The following WDFY3 variants were observed in gnomAD, a reference collection of about 807,000 sequenced individuals.
The protein encoded by WDFY3 is WD repeat and FYVE domain-containing protein 3.
Under a neutral mutation model 409.6 loss-of-function variants are expected in WDFY3, and 66 were observed. That is an observed-to-expected ratio of 0.16 (90% CI 0.13 to 0.20). WDFY3 has a LOEUF of 0.20. WDFY3 is among the 10% of genes least tolerant of loss of function. The pLI, the probability that WDFY3 is intolerant of heterozygous loss-of-function variation, is 1.00. For synonymous variants in WDFY3, 1,521 were observed against 1,537.1 expected (o/e 0.99, Z 0.25); for missense variants, 3,031 against 4,298.1 (o/e 0.71, Z 8.24).
chr4:84,677,882 G>A (rs1726587710), intron 66 of WDFY3, among the ~76,000 whole-genome samples: 1 of 144,976 alleles, frequency 6.9e-6, no homozygotes, highest in Non-Finnish European at 1.5e-5. Flanking sequence ...AGAACTGCTT[G>A]AGCCTGGGAG....
At chr4:84,759,119 T>A (rs950989306) in intron 32 of WDFY3, among the ~76,000 whole-genome samples, 3 of 152,194 alleles carry the variant, frequency 2.0e-5, no homozygotes, top group Admixed American at 6.5e-5. Flanking sequence ...GTTGTAGATA[T>A]GCGGCGTTAT....
intron 4 of WDFY3, among the ~76,000 whole-genome samples, chr4:84,850,599 G>A (rs1758776296): frequency 6.6e-6 from 1 of 152,266 alleles, no homozygotes; most frequent in African/African-American, 2.4e-5. Flanking sequence ...TTACAGGCGT[G>A]AGCCACCACA....
At chr4:84,786,858 T>C (rs1448418365) in intron 23 of WDFY3, among the ~76,000 whole-genome samples, 1 of 152,190 alleles carries the variant, frequency 6.6e-6, no homozygotes, top group African/African-American at 2.4e-5. Context: ...AGTGAAAAGA[T>C]AAATTACTAA....
chr4:84,697,283 G>A (rs568733674), intron 56 of WDFY3, among the ~76,000 whole-genome samples: 1 of 152,296 alleles, frequency 6.6e-6, no homozygotes, highest in East Asian at 1.9e-4. Flanking sequence ...GTAGATATCT[G>A]TAATACAAGA....
At chr4:84,778,720 A>AAC (rs1172217516) in intron 26 of WDFY3, 65 bp from the exon 27 acceptor site, 3 of 1,498,230 alleles carry the variant, frequency 2.0e-6, no homozygotes, top group Middle Eastern at 3.6e-4. Flanking sequence ...CACACACACA[A>AAC]ACACACACAT....
chr4:84,729,536 T>G (rs1000958014), intron 44 of WDFY3, among the ~76,000 whole-genome samples: 19 of 151,992 alleles, frequency 1.3e-4, no homozygotes, highest in African/African-American at 4.3e-4. Flanking sequence ...TGATAAACTA[T>G]TAACGCTTTA....
intron 35 of WDFY3, among the ~76,000 whole-genome samples, chr4:84,752,204 A>C (rs1740647908): frequency 6.6e-6 from 1 of 152,100 alleles, no homozygotes; most frequent in African/African-American, 2.4e-5. Flanking sequence ...ACAGAGCGAG[A>C]CTAGCAAACA....
Position 84,751,527 on chromosome 4 carries a change from T to G in WDFY3, c.5929A>C (p.Thr1977Pro). 1 of 1,614,142 alleles carries G rather than the reference T, an allele frequency of 6.2e-7. No individual in the cohort carries two copies. Among genetic ancestry groups the G allele is most frequent in the Non-Finnish European group, 8.5e-7 (1 of 1,180,014 alleles). The change falls in exon 36 of 68, where the codon ACT becomes CCT. Residue 1977 changes from threonine to proline, a missense_variant. Physicochemically the swap from Thr to Pro is conservative, Grantham distance 38. This residue lies in a region of WDFY3 where 314 missense variants were observed against 397.4 expected (regional missense o/e 0.79). Transcript: ENST00000295888. Reference protein sequence around the residue: ...RVLIIDNLCLTPASKQTPLID... With the variant: ...RVLIIDNLCLPPASKQTPLID... ...AGTGGAGTTTGCTTGCTGGCAGGAG[T>G]GAGACAGAGGTTGTCTATGATTAAG... is the stretch of plus-strand genomic sequence containing the variant.
chr4:84,950,033 TGTG>T (rs2151106687), intron 1 of WDFY3, among the ~76,000 whole-genome samples: 1 of 152,086 alleles, frequency 6.6e-6, no homozygotes, highest in Non-Finnish European at 1.5e-5. Context: ...ATAAAGAAAA[TGTG>T]GCACATATAC....
intron 27 of WDFY3, 63 bp from the exon 28 acceptor site, chr4:84,775,201 C>T (rs1464808962): frequency 1.5e-6 from 2 of 1,364,890 alleles, no homozygotes; most frequent in African/African-American, 2.9e-5. Context: ...GCCAAACCAA[C>T]AAACACCAAT....
At chr4:84,886,039 A>G (rs1764174694) in intron 3 of WDFY3, among the ~76,000 whole-genome samples, 1 of 152,214 alleles carries the variant, frequency 6.6e-6, no homozygotes, top group African/African-American at 2.4e-5. Context: ...TTAGAAACAT[A>G]GTGATGGGTA....
chr4:84,883,084 C>T (rs560686561), intron 3 of WDFY3, among the ~76,000 whole-genome samples: 1 of 152,208 alleles, frequency 6.6e-6, no homozygotes, highest in African/African-American at 2.4e-5. Flanking sequence ...TGGGGGAATA[C>T]ATTCTCACTA....
chr4:84,944,805 A>AAAAT (rs1258042156), intron 1 of WDFY3, among the ~76,000 whole-genome samples: 3 of 152,230 alleles, frequency 2.0e-5, no homozygotes, highest in East Asian at 3.9e-4. Context: ...AAAATAAATA[A>AAAAT]AAATAAATAA....
chr4:84,965,402 C>A (rs1775506381), intron 1 of WDFY3, among the ~76,000 whole-genome samples: 1 of 152,218 alleles, frequency 6.6e-6, no homozygotes, highest in South Asian at 2.1e-4. Context: ...CAAGGGTTCA[C>A]ATATGCAGTA....
At chr4:84,691,599 T>C (rs775182633) in intron 60 of WDFY3, 32 bp downstream of exon 60, 1 of 1,608,336 alleles carries the variant, frequency 6.2e-7, no homozygotes, top group Non-Finnish European at 8.5e-7. Flanking sequence ...AAAAGAGCAA[T>C]ATTAAATGAG....
rs1468780828 is a variant in WDFY3, at chr4:84,964,652, C to A, written c.-226+1557G>T. ...TAGAACATTGTATTTTCTAACTTAT[C>A]CCTCCTTTTTGGAGGTGATACAAAT... On this transcript the variant is annotated intron_variant, in intron 1 of 67. Coordinates refer to ENST00000295888, the MANE Select transcript of WDFY3 (RefSeq NM_014991.6). Among the ~76,000 whole-genome samples the A allele has an allele frequency of 4.6e-5, 7 of 152,254 alleles. No individual in the cohort carries two copies. The East Asian group carries it at 1.4e-3, about 29-fold the overall frequency.
chr4:84,881,299 GAAT>G (rs1763502557), intron 3 of WDFY3, among the ~76,000 whole-genome samples: 3 of 151,834 alleles, frequency 2.0e-5, no homozygotes, highest in Admixed American at 1.3e-4. Flanking sequence ...ATCTCCCTGT[GAAT>G]TATTTTCTTA....
chr4:84,677,421 T>G lies in WDFY3; in HGVS notation c.10260-25A>C, dbSNP rs777232364. The G allele has an allele frequency of 1.7e-5, 26 of 1,563,472 alleles. 1 individual carries two copies. The South Asian group carries it at 3.1e-4, about 19-fold the overall frequency. Reference sequence around the variant, plus strand: ...CCTGCAGGAGACACGACAGAGGAGGTCACTGCACGGAAGGCTTCTGTGATC... The same window carrying G: ...CCTGCAGGAGACACGACAGAGGAGGGCACTGCACGGAAGGCTTCTGTGATC... On this transcript the variant is annotated intron_variant, in intron 66 of 67. Transcript: ENST00000295888.
At chr4:84,847,682 G>A (rs190715510) in intron 5 of WDFY3, among the ~76,000 whole-genome samples, 1,602 of 145,876 alleles carry the variant, frequency 0.011, 27 homozygotes, top group African/African-American at 0.039. Flanking sequence ...GCTGAGGCAG[G>A]AGAATCGATT....
Sources: allele counts gnomAD v4.1 joint callset (sites outside exome capture counted in the v4.1 genomes callset), GRCh38; gene constraint gnomAD v4.1.1; regional missense constraint gnomAD v4.1.1; transcripts MANE v1.5; gene names NCBI Gene and HGNC (gene_info 2026-07-23, HGNC 2026-07-21).